IQGAP2: variants seen among roughly 807,000 people sequenced by gnomAD.
The protein encoded by IQGAP2 is ras GTPase-activating-like protein IQGAP2.
In IQGAP2, 173 loss-of-function variants were observed where a neutral mutation model predicts 201.3. That is an observed-to-expected ratio of 0.86 (90% CI 0.76 to 0.98). The LOEUF (loss-of-function observed/expected upper bound fraction) is 0.98, where lower values mean the gene tolerates loss of function less well. Among genes scored for constraint, IQGAP2 ranks in the 50% least tolerant of loss-of-function variants. IQGAP2 has a pLI of 0.00. For synonymous variants in IQGAP2, 675 were observed against 673.9 expected (o/e 1.00, Z -0.03); for missense variants, 1,687 against 1,864.8 (o/e 0.90, Z 1.76).
At chr5:76,477,015 G>A (rs1755475389) in intron 2 of IQGAP2, among the ~76,000 whole-genome samples, 2 of 151,990 alleles carry the variant, frequency 1.3e-5, no homozygotes, top group Non-Finnish European at 1.5e-5. Context: ...GAAAATGCTG[G>A]TCATGAACCA....
chr5:76,429,339 G>T (rs1473972407), intron 1 of IQGAP2, among the ~76,000 whole-genome samples: 1 of 151,672 alleles, frequency 6.6e-6, no homozygotes, highest in Non-Finnish European at 1.5e-5. Flanking sequence ...TTGGGAGGCT[G>T]AGGTGGGCAG....
intron 2 of IQGAP2, among the ~76,000 whole-genome samples, chr5:76,508,863 C>T (rs750181313): frequency 7.9e-5 from 12 of 151,982 alleles, no homozygotes; most frequent in Non-Finnish European, 1.6e-4. Flanking sequence ...CTTTTTTCTA[C>T]CTGTTAATTT....
At chr5:76,538,107 C>T (rs1284179977) in intron 2 of IQGAP2, among the ~76,000 whole-genome samples, 6 of 152,166 alleles carry the variant, frequency 3.9e-5, no homozygotes, top group South Asian at 2.1e-4. Flanking sequence ...CTCACAATCA[C>T]GGCAGAGGAT....
In IQGAP2 at chr5:76,597,522, G is replaced by T. The variant is rs1580555445; in HGVS notation, c.991G>T (p.Ala331Ser). ...GCTGCTTGCACTGAAGAAACCAGAG[G>T]CCCAGCTGCCTGCTGTTTATCCCTT... ...NTLLALKKPEAQLPAVYPFAA... is the reference protein window; with the variant it reads ...NTLLALKKPESQLPAVYPFAA... Residue 331 changes from alanine to serine, a missense_variant, in exon 10 of 36, where the codon GCC becomes TCC. Coordinates refer to ENST00000274364, the MANE Select transcript of IQGAP2 (RefSeq NM_006633.5). 6.2e-7 allele frequency: 1 copy of T among 1,613,846 alleles called. No individual in the cohort carries two copies. Among genetic ancestry groups the T allele is most frequent in the Non-Finnish European group, 8.5e-7 (1 of 1,179,956 alleles).
chr5:76,426,147 A>T (rs1037560890), intron 1 of IQGAP2, among the ~76,000 whole-genome samples: 5 of 152,208 alleles, frequency 3.3e-5, no homozygotes, highest in African/African-American at 4.8e-5. Flanking sequence ...ACATAATTGC[A>T]CATCAGTTTC....
chr5:76,602,582 ATT>A (rs10533521), intron 11 of IQGAP2, among the ~76,000 whole-genome samples: 24,451 of 148,340 alleles, frequency 0.16, 2,117 homozygotes, highest in Admixed American at 0.28. Flanking sequence ...AAATGTTTTG[ATT>A]TTTTTTTTTT....
At chr5:76,659,078 T>C (rs533178473) in intron 21 of IQGAP2, among the ~76,000 whole-genome samples, 2 of 152,370 alleles carry the variant, frequency 1.3e-5, no homozygotes, top group East Asian at 3.9e-4. Flanking sequence ...TATATGTTCA[T>C]GACACTTTGG....
chr5:76,677,249 G>A lies in IQGAP2; in HGVS notation c.3559G>A (p.Glu1187Lys). 6.2e-7 allele frequency: 1 copy of A among 1,613,600 alleles called. No individual in the cohort carries two copies. Among genetic ancestry groups the A allele is most frequent in the South Asian group, 1.1e-5 (1 of 91,034 alleles). ...KYFKEACNVP[E>K]PEEKFNMDKY... ...TTTCAAAGAAGCATGTAATGTCCCT[G>A]AGCCAGAAGAGAAGTTTAATATGGA... is the stretch of plus-strand genomic sequence containing the variant. The change falls in exon 28 of 36, where the codon GAG becomes AAG. Residue 1187 changes from glutamate to lysine, a missense_variant. Transcript: ENST00000274364.
At chr5:76,570,756 T>G (rs1197887772) in intron 4 of IQGAP2, 99 bp downstream of exon 4, 3 of 813,690 alleles carry the variant, frequency 3.7e-6, no homozygotes, top group Non-Finnish European at 6.2e-6. Context: ...GTTATGTTAA[T>G]GTAGAAATGA....
chr5:76,416,111 C>T (rs1185646912), intron 1 of IQGAP2, among the ~76,000 whole-genome samples: 1 of 152,188 alleles, frequency 6.6e-6, no homozygotes, highest in South Asian at 2.1e-4. Flanking sequence ...GTGAACTACT[C>T]ATGACCATTC....
intron 13 of IQGAP2, chr5:76,616,592 C>CT (rs1748993453): frequency 6.5e-6 from 1 of 152,846 alleles, no homozygotes; most frequent in African/African-American, 2.4e-5. Flanking sequence ...TGGCTCATGC[C>CT]TGTAGTCCCA....
intron 2 of IQGAP2, among the ~76,000 whole-genome samples, chr5:76,509,049 G>GTA (rs1442159046): frequency 6.6e-6 from 1 of 150,536 alleles, no homozygotes; most frequent in Non-Finnish European, 1.5e-5. Flanking sequence ...GTGTGTGTGT[G>GTA]TGTGTGTGTA....
At chr5:76,691,042 T>C (rs544450692) in intron 30 of IQGAP2, among the ~76,000 whole-genome samples, 1 of 152,366 alleles carries the variant, frequency 6.6e-6, no homozygotes, top group South Asian at 2.1e-4. Flanking sequence ...CAAATCCACA[T>C]GGCTAATATG....
chr5:76,658,532 C>T lies in IQGAP2; in HGVS notation c.2394C>T (p.Phe798=). 4 of 1,613,980 alleles carry T rather than the reference C, an allele frequency of 2.5e-6. No homozygotes were observed. Among genetic ancestry groups the T allele is most frequent in the Non-Finnish European group, 3.4e-6 (4 of 1,179,984 alleles). Residue 798 remains phenylalanine (F), a synonymous_variant, in exon 21 of 36, where the codon TTC becomes TTT. Transcript: ENST00000274364. ...VYLLDQSDLD[F]QEELEVARLR... The stretch of plus-strand genomic sequence containing the variant: ...TGCTGGACCAAAGTGATTTGGATTT[C>T]CAGGAGGAACTAGAGGTTGCACGAT...
chr5:76,639,341 A>G (rs1387289538), intron 16 of IQGAP2, among the ~76,000 whole-genome samples: 1 of 152,306 alleles, frequency 6.6e-6, no homozygotes, highest in East Asian at 1.9e-4. Flanking sequence ...TTTTTGACAC[A>G]GTCACCGGTA....
intron 20 of IQGAP2, among the ~76,000 whole-genome samples, chr5:76,655,305 T>A (rs2150437165): frequency 6.6e-6 from 1 of 152,204 alleles, no homozygotes; most frequent in South Asian, 2.1e-4. Flanking sequence ...GAGTCAAAAA[T>A]CTAATGCAAA....
intron 2 of IQGAP2, among the ~76,000 whole-genome samples, chr5:76,482,143 C>CTT (rs1387704567): frequency 6.6e-6 from 1 of 152,198 alleles, no homozygotes; most frequent in South Asian, 2.1e-4. Flanking sequence ...GGGATGCATT[C>CTT]TTTTTCTTCT....
chr5:76,481,189 T>C (rs1025374503), intron 2 of IQGAP2, among the ~76,000 whole-genome samples: 3 of 152,110 alleles, frequency 2.0e-5, no homozygotes, highest in African/African-American at 7.2e-5. Context: ...GCAGCAGCCT[T>C]ATATGGGAAC....
rs755705908 is a variant in IQGAP2 at position 76,632,024 on chromosome 5, G to A, written c.1778G>A (p.Arg593Lys). Residue 593 changes from arginine to lysine, a missense_variant and splice_region_variant, in exon 15 of 36, where the codon AGA (arginine) becomes AAA (lysine). By Grantham distance (26) the Arg-to-Lys change is conservative (BLOSUM62 2). Coordinates refer to ENST00000274364, the MANE Select transcript of IQGAP2 (RefSeq NM_006633.5). ...AAGGCAAAAGAGCTCAAATCTGAAA[G>A]AGGTAAGTTGGTTTGTTACTTTAGC... is the stretch of plus-strand genomic sequence containing the variant. ...LVKAKELKSE[R>K]VSSDGSWLKL... The A allele has an allele frequency of 6.2e-7, 1 of 1,600,856 alleles. No individual in the cohort carries two copies. Among genetic ancestry groups the A allele is most frequent in the South Asian group, 1.1e-5 (1 of 87,718 alleles).
Sources: allele counts gnomAD v4.1 joint callset (sites outside exome capture counted in the v4.1 genomes callset), GRCh38; gene constraint gnomAD v4.1.1; transcripts MANE v1.5; gene names NCBI Gene and HGNC (gene_info 2026-07-23, HGNC 2026-07-21).